The following BAZ2A variants were observed in gnomAD, a reference collection of about 807,000 sequenced individuals.
The protein encoded by BAZ2A is bromodomain adjacent to zinc finger domain 2A, also known as bromodomain adjacent to zinc finger domain protein 2A.
Under a neutral mutation model 199.9 loss-of-function variants are expected in BAZ2A, and 34 were observed. The ratio of observed to expected loss-of-function variants is 0.17; its 90% CI spans 0.13 to 0.23. The LOEUF (loss-of-function observed/expected upper bound fraction) is 0.23. BAZ2A is among the 10% of genes least tolerant of loss of function. The pLI, the probability that BAZ2A is intolerant of heterozygous loss-of-function variation, is 1.00. For missense variants in BAZ2A, 2,002 were observed against 2,391.1 expected (o/e 0.84, Z 3.39); for synonymous variants, 857 against 883.9 (o/e 0.97, Z 0.54).
In BAZ2A at chr12:56,597,991, G is replaced by A. The variant is rs915183101; in HGVS notation, c.*627C>T. The A allele has an allele frequency of 5.2e-5, 8 of 152,486 alleles. No homozygotes were observed. Among genetic ancestry groups the A allele is most frequent in the Non-Finnish European group, 1.0e-4 (7 of 68,038 alleles). The allele number at this position is 152,486 out of a possible 1,614,324, so 9.4% of individuals were successfully genotyped here. On this transcript the variant is annotated 3_prime_UTR_variant, in exon 29 of 29. Coordinates refer to ENST00000549884, the MANE Select transcript of BAZ2A (RefSeq NM_001300905.2). ...AAGATTTGGGAGAAGAGAAAAGGAG[G>A]GAGGAACCCGTACACGATAGTTTTA...
Position 56,605,765 on chromosome 12 carries a change from C to CTTT in BAZ2A, c.2493+62_2493+64dup, listed in dbSNP as rs202234970. On this transcript the variant is annotated intron_variant, in intron 13 of 28. Coordinates refer to ENST00000549884, the MANE Select transcript of BAZ2A (RefSeq NM_001300905.2). ...AAATGTCTCTCCCATTGCAGAAGTC[C>CTTT]TTTTTTTTTTTTTAAAGGAAAGTCT... 71 of 1,215,636 alleles carry CTTT rather than the reference C, an allele frequency of 5.8e-5. No individual in the cohort carries two copies. In the African/African-American group the frequency reaches 1.0e-3, roughly 17 times the overall value. The allele number at this position is 1,215,636 out of a possible 1,614,324, so 75.3% of individuals were successfully genotyped here.
chr12:56,603,614 G>C lies in BAZ2A; in HGVS notation c.3125C>G (p.Ser1042Cys), dbSNP rs367717086. The change falls in exon 17 of 29, where the codon TCT becomes TGT. Residue 1042 changes from serine (S) to cysteine (C), a missense_variant. Transcript: ENST00000549884. ...GCCACTGGTCTCCTCCATGATCCGA[G>C]AACTGCGCCTCCGTCCCAGGCATTC... ...PEECLGRRRS[S>C]RIMEETSGME... 1.1e-5 allele frequency: 17 copies of C among 1,613,872 alleles called. No homozygotes were observed. The highest frequency in any genetic ancestry group is 1.4e-5 in the Non-Finnish European group (16 of 1,179,908).
intron 4 of BAZ2A, 93 bp from the exon 5 acceptor site, chr12:56,613,326 T>C (rs1950619531): frequency 2.4e-6 from 3 of 1,245,508 alleles, no homozygotes; most frequent in East Asian, 2.3e-5. Flanking sequence ...CATCCAATTC[T>C]AGTTCCCACA....
intron 10 of BAZ2A, 37 bp downstream of exon 10, chr12:56,609,699 A>T (rs1335616472): frequency 1.3e-6 from 2 of 1,583,882 alleles, no homozygotes; most frequent in African/African-American, 2.7e-5. Flanking sequence ...TACCTCATGG[A>T]GGGAGCAGAA....
At chr12:56,631,185 G>T (rs1951300414), upstream of BAZ2A, among the ~76,000 whole-genome samples, 1 of 152,086 alleles carries the variant, frequency 6.6e-6, no homozygotes, top group Non-Finnish European at 1.5e-5. Context: ...GGACGCGGTG[G>T]CTCACGGCTG....
intron 18 of BAZ2A, 45 bp from the exon 19 acceptor site, chr12:56,602,902 G>A (rs758551794): frequency 4.5e-6 from 7 of 1,562,172 alleles, no homozygotes; most frequent in Non-Finnish European, 6.1e-6. Context: ...CATTTCCAGA[G>A]TGACAGTGGT....
intron 10 of BAZ2A, among the ~76,000 whole-genome samples, chr12:56,608,028 C>T (rs1212902540): frequency 2.0e-5 from 3 of 150,220 alleles, no homozygotes; most frequent in Admixed American, 6.7e-5. Flanking sequence ...GAGCCAAGAT[C>T]GCGCCATTGC....
chr12:56,602,258 A>C, intron 19 of BAZ2A, 66 bp from the exon 20 acceptor site: 1 of 1,337,852 alleles, frequency 7.5e-7, no homozygotes, highest in Non-Finnish European at 1.0e-6. Flanking sequence ...AGGGTATATA[A>C]ACTTAGGACC....
At chr12:56,624,169 T>C (rs1951010941) in intron 1 of BAZ2A, among the ~76,000 whole-genome samples, 3 of 152,106 alleles carry the variant, frequency 2.0e-5, no homozygotes, top group Middle Eastern at 3.5e-3. Flanking sequence ...CTGAGTGCCC[T>C]AGTAACAAGC....
At position 56,599,697 on chromosome 12, in the gene BAZ2A, C is replaced by T; in HGVS notation, c.5172+5G>A. 1.2e-6 allele frequency: 2 copies of T among 1,613,246 alleles called. No individual in the cohort carries two copies. Among genetic ancestry groups the T allele is most frequent in the African/African-American group, 1.3e-5 (1 of 75,004 alleles). ...AGTGTGGGAAAGAAAGAGCAGAAGC[C>T]TTACCTGAGCCAAACAGACAGTACA... On this transcript the variant is annotated splice_donor_5th_base_variant and intron_variant, in intron 26 of 28. Coordinates refer to ENST00000549884, the MANE Select transcript of BAZ2A (RefSeq NM_001300905.2).
intron 15 of BAZ2A, 24 bp downstream of exon 15, chr12:56,604,557 ATGAC>A: frequency 6.5e-7 from 1 of 1,543,986 alleles, no homozygotes; most frequent in South Asian, 1.2e-5. Flanking sequence ...AAGGGATACA[ATGAC>A]CATCCCCACT....
At chr12:56,623,781 C>T (rs905187178) in intron 1 of BAZ2A, among the ~76,000 whole-genome samples, 1 of 152,134 alleles carries the variant, frequency 6.6e-6, no homozygotes, top group African/African-American at 2.4e-5. Context: ...TATTATCTGG[C>T]CCACGTTATC....
At position 56,601,297 on chromosome 12, in the gene BAZ2A, G is replaced by A; in HGVS notation, c.4177C>T (p.Pro1393Ser). 2 of 1,614,036 alleles carry A rather than the reference G, an allele frequency of 1.2e-6. No homozygotes were observed. The highest frequency in any genetic ancestry group is 1.7e-6 in the Non-Finnish European group (2 of 1,179,900). ...TGTCCCAGCCCTGTGGGACTCTGTG[G>A]CATTTCTCCAGGGTCTCCTGCTCGC... ...KRRAGDPGEM[P>S]QSPTGLGQPK... Residue 1393 changes from proline (P) to serine (S), a missense_variant, in exon 21 of 29, where the codon CCA becomes TCA. Around this residue, in one of 6 missense-constraint regions of BAZ2A, gnomAD observed 1,081 missense variants for 1,274.7 expected, o/e 0.85. Coordinates refer to ENST00000549884, the MANE Select transcript of BAZ2A (RefSeq NM_001300905.2).
At position 56,606,262 on chromosome 12, in the gene BAZ2A, A is replaced by C; in HGVS notation, c.2244T>G (p.Ala748=). The C allele has an allele frequency of 6.2e-7, 1 of 1,614,016 alleles. No homozygotes were observed. Among genetic ancestry groups the C allele is most frequent in the Non-Finnish European group, 8.5e-7 (1 of 1,179,894 alleles). ...ATGCACCTACCTTGGATTTCTTCTT[A>C]GCTTCCTTCTGCTTTAAGCTCTTGG... ...QETKSLKQKE[A]KKKSKAEKEK... is the part of the protein sequence containing the mutation. Residue 748 remains alanine (A), a synonymous_variant, in exon 12 of 29, where the codon GCT becomes GCG. Coordinates refer to ENST00000549884, the MANE Select transcript of BAZ2A (RefSeq NM_001300905.2).
chr12:56,629,556 C>T (rs1951225380), intron 1 of BAZ2A, among the ~76,000 whole-genome samples: 1 of 152,190 alleles, frequency 6.6e-6, no homozygotes, highest in Non-Finnish European at 1.5e-5. Flanking sequence ...CCAAGCCAAG[C>T]GCAGCACCAC....
chr12:56,598,579 G>A lies in BAZ2A; in HGVS notation c.*39C>T, dbSNP rs1459123939. 2 of 1,598,348 alleles carry A rather than the reference G, an allele frequency of 1.3e-6. No individual in the cohort carries two copies. The highest frequency in any genetic ancestry group is 1.3e-5 in the African/African-American group (1 of 74,730). On this transcript the variant is annotated 3_prime_UTR_variant, in exon 29 of 29. Coordinates refer to ENST00000549884, the MANE Select transcript of BAZ2A (RefSeq NM_001300905.2). ...ATGGCAGGTTTTTGTTTGGAAGGTG[G>A]GGGGAGATGCCACAAGGTGACTCCC...
At chr12:56,607,380 T>C (rs1565816836) in intron 10 of BAZ2A, among the ~76,000 whole-genome samples, 1 of 152,192 alleles carries the variant, frequency 6.6e-6, no homozygotes, top group Non-Finnish European at 1.5e-5. Flanking sequence ...TATACATATA[T>C]ATATTTTTTG....
upstream of BAZ2A, among the ~76,000 whole-genome samples, chr12:56,633,407 C>T (rs1317977302): frequency 3.3e-5 from 5 of 152,170 alleles, no homozygotes; most frequent in Admixed American, 3.3e-4. Flanking sequence ...CAGATCTTGG[C>T]AGCCAGTCCC....
At chr12:56,625,110 T>C (rs1303569962) in intron 1 of BAZ2A, among the ~76,000 whole-genome samples, 1 of 151,812 alleles carries the variant, frequency 6.6e-6, no homozygotes, top group Non-Finnish European at 1.5e-5. Flanking sequence ...GAGGTTATAT[T>C]AAGGTAATTT....
Sources: gnomAD v4.1 joint callset for allele counts (sites outside exome capture counted in the v4.1 genomes callset) on GRCh38, gnomAD v4.1.1 for gene constraint, gnomAD v4.1.1 regional missense constraint, MANE v1.5 for transcripts, NCBI Gene and HGNC (gene_info 2026-07-23, HGNC 2026-07-21) for gene names.